Variants in SLIT3 observed in about 807,000 individuals in gnomAD.
The protein encoded by SLIT3 is slit guidance ligand 3, also known as slit homolog 3 protein.
In SLIT3, 68 loss-of-function variants were observed where a neutral mutation model predicts 184.0. The ratio of observed to expected loss-of-function variants is 0.37; its 90% CI spans 0.30 to 0.45. The LOEUF (loss-of-function observed/expected upper bound fraction) is 0.45, where lower values mean the gene tolerates loss of function less well. Among genes scored for constraint, SLIT3 ranks in the 20% least tolerant of loss-of-function variants. The probability of loss-of-function intolerance (pLI) is 1.00; values close to 1 mark genes in which losing one functional copy is unlikely to be tolerated. For missense variants in SLIT3, 1,707 were observed against 2,026.0 expected (o/e 0.84, Z 3.02); for synonymous variants, 831 against 828.6 (o/e 1.00, Z -0.05).
At chr5:168,977,442 G>C (rs1246898332) in intron 4 of SLIT3, among the ~76,000 whole-genome samples, 1 of 152,164 alleles carries the variant, frequency 6.6e-6, no homozygotes, top group Admixed American at 6.5e-5. Flanking sequence ...ATTACCTTTT[G>C]AGGAACTTCC....
chr5:168,987,334 C>T (rs961920703), intron 4 of SLIT3, among the ~76,000 whole-genome samples: 1 of 152,208 alleles, frequency 6.6e-6, no homozygotes, highest in Non-Finnish European at 1.5e-5. Flanking sequence ...TTTCTCCCAC[C>T]CAGACTATCT....
At chr5:169,049,148 C>A (rs1757732182) in intron 4 of SLIT3, among the ~76,000 whole-genome samples, 2 of 152,076 alleles carry the variant, frequency 1.3e-5, no homozygotes, top group South Asian at 2.1e-4. Flanking sequence ...TTTTTGGGGG[C>A]AAATACAAAC....
Position 168,722,244 on chromosome 5 carries a change from TG to T in SLIT3, c.2483+11del, listed in dbSNP as rs753170103. 2 of 1,613,156 alleles carry T rather than the reference TG, an allele frequency of 1.2e-6. No homozygotes were observed. Among genetic ancestry groups the T allele is most frequent in the Non-Finnish European group, 1.7e-6 (2 of 1,179,274 alleles). Reference sequence around the variant, plus strand: ...AATGTGTAAGTCAAAATCAGCACATTGGGGTACTCACAGCACTCGCAGGGAC... The same window carrying T: ...AATGTGTAAGTCAAAATCAGCACATTGGGTACTCACAGCACTCGCAGGGAC... On this transcript the variant is annotated intron_variant, in intron 23 of 35. Coordinates refer to ENST00000519560, the MANE Select transcript of SLIT3 (RefSeq NM_003062.4).
chr5:169,047,253 C>G (rs184936078), intron 4 of SLIT3, among the ~76,000 whole-genome samples: 1 of 152,158 alleles, frequency 6.6e-6, no homozygotes, highest in Admixed American at 6.5e-5. Flanking sequence ...TCCTGGTGAA[C>G]AATGTCCCTC....
intron 4 of SLIT3, among the ~76,000 whole-genome samples, chr5:169,191,673 G>A (rs145235149): frequency 6.2e-4 from 95 of 152,274 alleles, no homozygotes; most frequent in African/African-American, 2.2e-3. Flanking sequence ...TCAGGACGTG[G>A]CAGAGGACAT....
chr5:168,768,233 G>A (rs1016959784), intron 14 of SLIT3: 2 of 514,662 alleles, frequency 3.9e-6, no homozygotes, highest in African/African-American at 3.9e-5. Flanking sequence ...CAAGCACAAA[G>A]GAAAGCCCCG....
intron 30 of SLIT3, 27 bp from the exon 31 acceptor site, chr5:168,685,954 G>A: frequency 6.3e-7 from 1 of 1,585,296 alleles, no homozygotes. Flanking sequence ...AATGGGGAGG[G>A]AGATAGGAGA....
chr5:168,802,146 GAAAAA>G (rs57706263), intron 9 of SLIT3, among the ~76,000 whole-genome samples: 1 of 109,754 alleles, frequency 9.1e-6, no homozygotes. Context: ...TTCTCAATAA[GAAAAA>G]AAAAAAAAAA....
intron 4 of SLIT3, among the ~76,000 whole-genome samples, chr5:168,970,387 C>T (rs375294854): frequency 4.6e-5 from 7 of 151,136 alleles, no homozygotes; most frequent in East Asian, 3.9e-4. Context: ...CCCAGCTACG[C>T]GGGAGGCTGG....
intron 4 of SLIT3, among the ~76,000 whole-genome samples, chr5:169,009,542 G>A (rs1283626772): frequency 6.6e-6 from 1 of 152,184 alleles, no homozygotes; most frequent in Non-Finnish European, 1.5e-5. Context: ...GTAAACCAGG[G>A]TTGTCATATT....
At chr5:168,957,094 T>G (rs919212912) in intron 4 of SLIT3, among the ~76,000 whole-genome samples, 5 of 151,778 alleles carry the variant, frequency 3.3e-5, no homozygotes, top group African/African-American at 1.2e-4. Flanking sequence ...CTGGGCGTGG[T>G]GGCGGGTGCC....
chr5:169,023,594 T>C (rs1427278171), intron 4 of SLIT3: 1 of 149,266 alleles, frequency 6.7e-6, no homozygotes, highest in Non-Finnish European at 1.5e-5. Context: ...CTTGTATTTC[T>C]ACCCTCTGTT....
At chr5:169,275,733 GC>G (rs1022174736) in intron 1 of SLIT3, among the ~76,000 whole-genome samples, 19 of 152,126 alleles carry the variant, frequency 1.2e-4, no homozygotes, top group African/African-American at 4.6e-4. Context: ...GGAAAGACCA[GC>G]CCCCATGATT....
intron 1 of SLIT3, among the ~76,000 whole-genome samples, chr5:169,296,540 A>G (rs770200879): frequency 1.1e-4 from 17 of 152,136 alleles, no homozygotes; most frequent in Non-Finnish European, 1.6e-4. Context: ...AGACCCCATG[A>G]TTCACTAGCT....
intron 5 of SLIT3, among the ~76,000 whole-genome samples, chr5:168,867,022 G>A (rs1017308105): frequency 6.6e-6 from 1 of 152,142 alleles, no homozygotes; most frequent in Non-Finnish European, 1.5e-5. Flanking sequence ...CTGCATGCCA[G>A]TCGTTCTCAA....
At chr5:168,766,559 C>T (rs1472608000) in intron 14 of SLIT3, among the ~76,000 whole-genome samples, 3 of 152,224 alleles carry the variant, frequency 2.0e-5, no homozygotes, top group Non-Finnish European at 4.4e-5. Flanking sequence ...ATTATGAGTG[C>T]AGCCATCTGC....
intron 4 of SLIT3, among the ~76,000 whole-genome samples, chr5:169,185,914 A>G (rs189288420): frequency 4.8e-4 from 73 of 152,358 alleles, no homozygotes; most frequent in African/African-American, 1.8e-3. Flanking sequence ...TCAGCCAGTT[A>G]CTGGCTCTGT....
At chr5:168,856,807 G>GTGCA in intron 5 of SLIT3, among the ~76,000 whole-genome samples, 1 of 98,118 alleles carries the variant, frequency 1.0e-5, no homozygotes, top group East Asian at 3.5e-4. Flanking sequence ...GTGTGTGTGT[G>GTGCA]CGCGCGCGCG....
intron 9 of SLIT3, among the ~76,000 whole-genome samples, chr5:168,804,064 T>A (rs1375410999): frequency 6.6e-6 from 1 of 151,510 alleles, no homozygotes; most frequent in East Asian, 2.0e-4. Context: ...CCCAGAACTT[T>A]AGGAGGCCGA....
Sources: gnomAD v4.1 joint callset for allele counts (sites outside exome capture counted in the v4.1 genomes callset) on GRCh38, gnomAD v4.1.1 for gene constraint, MANE v1.5 for transcripts, NCBI Gene and HGNC (gene_info 2026-07-23, HGNC 2026-07-21) for gene names.